CSNK2A2IP: variants seen among roughly 807,000 people sequenced by gnomAD.
CSNK2A2IP encodes the protein casein kinase 2 subunit alpha' interacting protein, also known as casein kinase II subunit alpha'-interacting protein.
At chr3:88,357,497 T>A in the CSNK2A2IP span, among the ~76,000 whole-genome samples, 1 of 152,320 alleles carries the variant, frequency 6.6e-6, no homozygotes, top group African/African-American at 2.4e-5. Flanking sequence ...GTAGTATTAT[T>A]TGAAGTCAGA....
the CSNK2A2IP span, among the ~76,000 whole-genome samples, chr3:88,419,103 G>A: frequency 2.0e-4 from 30 of 152,212 alleles, no homozygotes; most frequent in East Asian, 4.6e-3. Flanking sequence ...AACAAGCTCA[G>A]GGCTCCCATG....
the CSNK2A2IP span, among the ~76,000 whole-genome samples, chr3:88,341,613 A>AG: frequency 1.7e-5 from 2 of 117,810 alleles, no homozygotes; most frequent in African/African-American, 2.6e-5. Flanking sequence ...TTATTCCCAC[A>AG]GGAAAAAAAA....
the CSNK2A2IP span, among the ~76,000 whole-genome samples, chr3:88,349,470 C>CT: frequency 2.0e-5 from 3 of 151,986 alleles, no homozygotes; most frequent in African/African-American, 4.8e-5. Flanking sequence ...TTATTTCATT[C>CT]TTTTTTATGG....
At chr3:88,398,622 G>T in the CSNK2A2IP span, among the ~76,000 whole-genome samples, 1 of 152,216 alleles carries the variant, frequency 6.6e-6, no homozygotes, top group South Asian at 2.1e-4. Context: ...AATAGAGAAA[G>T]GTCCCATCTT....
At chr3:88,353,296 G>T in the CSNK2A2IP span, among the ~76,000 whole-genome samples, 1 of 152,138 alleles carries the variant, frequency 6.6e-6, no homozygotes. Flanking sequence ...CAGAGGAAAT[G>T]AATATAAAAA....
chr3:88,411,371 A>ATCTG, the CSNK2A2IP span, among the ~76,000 whole-genome samples: 1 of 128,722 alleles, frequency 7.8e-6, no homozygotes, highest in African/African-American at 3.1e-5. Context: ...CTATCTATCT[A>ATCTG]TCTATCTGTC....
chr3:88,427,308 C>T, the CSNK2A2IP span, among the ~76,000 whole-genome samples: 1 of 152,108 alleles, frequency 6.6e-6, no homozygotes, highest in Non-Finnish European at 1.5e-5. Flanking sequence ...TTCTAAGCTG[C>T]AAAGCGTTCA....
At chr3:88,463,416 T>C in the CSNK2A2IP span, among the ~76,000 whole-genome samples, 1 of 152,308 alleles carries the variant, frequency 6.6e-6, no homozygotes, top group East Asian at 1.9e-4. Flanking sequence ...TTAGGCCAGC[T>C]ACAAGGTTCT....
the CSNK2A2IP span, among the ~76,000 whole-genome samples, chr3:88,408,939 C>T: frequency 1.3e-5 from 2 of 151,822 alleles, no homozygotes; most frequent in East Asian, 1.9e-4. Flanking sequence ...AAGTCAGCCA[C>T]GACCACTATT....
the CSNK2A2IP span, among the ~76,000 whole-genome samples, chr3:88,435,978 TC>T: frequency 6.9e-6 from 1 of 145,784 alleles, no homozygotes. Context: ...TATATATATT[TC>T]AGGAAAAGGG....
At chr3:88,365,622 G>A in the CSNK2A2IP span, among the ~76,000 whole-genome samples, 1 of 152,116 alleles carries the variant, frequency 6.6e-6, no homozygotes. Context: ...CCCTTCCCAA[G>A]AAAAGATCCT....
the CSNK2A2IP span, among the ~76,000 whole-genome samples, chr3:88,383,651 CTTTTT>C: frequency 2.3e-5 from 2 of 88,562 alleles, no homozygotes; most frequent in East Asian, 4.0e-4. Flanking sequence ...TCTTTTCTTT[CTTTTT>C]TTTTTTTTTT....
the CSNK2A2IP span, among the ~76,000 whole-genome samples, chr3:88,436,278 T>C: frequency 9.9e-5 from 15 of 152,262 alleles, no homozygotes; most frequent in South Asian, 2.9e-3. Context: ...TTTTTTGCAC[T>C]GTAATGCTGA....
the CSNK2A2IP span, among the ~76,000 whole-genome samples, chr3:88,450,034 A>G: frequency 1.3e-5 from 2 of 149,718 alleles, no homozygotes; most frequent in African/African-American, 5.0e-5. Flanking sequence ...CGCCTGGCTA[A>G]CTGTTTTGTA....
At chr3:88,446,163 A>G in the CSNK2A2IP span, among the ~76,000 whole-genome samples, 1 of 146,882 alleles carries the variant, frequency 6.8e-6, no homozygotes, top group Non-Finnish European at 1.5e-5. Context: ...GCTGGAGTGC[A>G]ATGGCACGAT....
the CSNK2A2IP span, chr3:88,465,684 T>C: frequency 8.1e-7 from 1 of 1,231,656 alleles, no homozygotes; most frequent in Non-Finnish European, 1.0e-6. Flanking sequence ...ACTGGAGAAG[T>C]TCATTGTGGC....
At chr3:88,445,971 T>TCC in the CSNK2A2IP span, among the ~76,000 whole-genome samples, 2 of 61,184 alleles carry the variant, frequency 3.3e-5, no homozygotes, top group Admixed American at 1.4e-4. Flanking sequence ...CCTCCCTCCC[T>TCC]CTCTCTCTTT....
At chr3:88,356,762 T>A in the CSNK2A2IP span, among the ~76,000 whole-genome samples, 3 of 152,134 alleles carry the variant, frequency 2.0e-5, no homozygotes, top group African/African-American at 4.8e-5. Context: ...CCAACATTCG[T>A]TAATTTTTGT....
At chr3:88,410,864 T>C in the CSNK2A2IP span, among the ~76,000 whole-genome samples, 3 of 152,000 alleles carry the variant, frequency 2.0e-5, no homozygotes, top group Non-Finnish European at 4.4e-5. Flanking sequence ...ACTTTTGTTA[T>C]ATATATAGAG....
Sources: gnomAD v4.1 joint callset for allele counts (sites outside exome capture counted in the v4.1 genomes callset) on GRCh38, gnomAD v4.1.1 for gene constraint, MANE v1.5 for transcripts, NCBI Gene and HGNC (gene_info 2026-07-23, HGNC 2026-07-21) for gene names.